Variants in OR7C1 observed in about 807,000 individuals in gnomAD.
OR7C1 encodes olfactory receptor family 7 subfamily C member 1.
For synonymous variants in OR7C1, 152 were observed against 160.7 expected (o/e 0.95, Z 0.41); for missense variants, 324 against 383.3 (o/e 0.85, Z 1.29).
intron 2 of OR7C1, among the ~76,000 whole-genome samples, chr19:14,806,835 CA>C (rs2044668505): frequency 6.6e-6 from 1 of 151,896 alleles, no homozygotes; most frequent in African/African-American, 2.4e-5. Context: ...AATAGTGCTG[CA>C]ATAAACATAT....
chr19:14,827,061 A>C (rs2240556), intron 1 of OR7C1: 5,664 of 396,796 alleles, frequency 0.014, 56 homozygotes, highest in South Asian at 0.032. Context: ...GTCGGAAATA[A>C]CCTTGAGAAA....
chr19:14,827,857 G>T lies in OR7C1; in HGVS notation c.-623+7217C>A, dbSNP rs538791344. 13 of 1,614,148 alleles carry T rather than the reference G, an allele frequency of 8.1e-6. No homozygotes were observed. The East Asian group carries it at 1.6e-4, about 19-fold the overall frequency. On this transcript the variant is annotated intron_variant, in intron 1 of 4. Transcript: ENST00000641666. ...TTCATAATGACCATGTAGTGCAGGG[G>T]GTGACAGATGGCCACAAACCGGTCA...
chr19:14,828,704 G>C (rs930185424), intron 1 of OR7C1, among the ~76,000 whole-genome samples: 1 of 134,156 alleles, frequency 7.5e-6, no homozygotes, highest in African/African-American at 2.8e-5. Context: ...AAGTTGCAGT[G>C]AGCTGAGATC....
chr19:14,822,694 T>A (rs190641765), intron 1 of OR7C1, among the ~76,000 whole-genome samples: 144 of 152,254 alleles, frequency 9.5e-4, no homozygotes, highest in African/African-American at 3.2e-3. Flanking sequence ...CTGCCTTTTT[T>A]ATAATAGCCG....
intron 1 of OR7C1, among the ~76,000 whole-genome samples, chr19:14,819,202 A>G (rs1165102245): frequency 6.6e-6 from 1 of 151,954 alleles, no homozygotes; most frequent in Non-Finnish European, 1.5e-5. Flanking sequence ...TGTGCAGGAT[A>G]TGCAGGTTTG....
At chr19:14,830,808 C>T (rs1043271560) in intron 1 of OR7C1, among the ~76,000 whole-genome samples, 7 of 152,148 alleles carry the variant, frequency 4.6e-5, no homozygotes, top group Non-Finnish European at 8.8e-5. Flanking sequence ...TCTAAGTCTG[C>T]CTTTCTTCAT....
intron 1 of OR7C1, among the ~76,000 whole-genome samples, chr19:14,823,678 C>T (rs1038284485): frequency 4.6e-5 from 7 of 152,166 alleles, no homozygotes; most frequent in African/African-American, 1.7e-4. Context: ...TATGTGTCCA[C>T]ATTATTTAGC....
intron 1 of OR7C1, among the ~76,000 whole-genome samples, chr19:14,823,732 G>A (rs138610420): frequency 1.8e-4 from 28 of 152,212 alleles, no homozygotes; most frequent in African/African-American, 6.7e-4. Flanking sequence ...CTATTTCTGA[G>A]TTATTTCACT....
At chr19:14,799,462 T>G in exon 5 of OR7C1, 2 of 1,614,010 alleles carry the variant, frequency 1.2e-6, no homozygotes, top group Non-Finnish European at 1.7e-6. Context: ...AAATCCTCAG[T>G]ATAGAGAAAA....
chr19:14,816,548 C>T (rs1235391982), intron 1 of OR7C1, among the ~76,000 whole-genome samples: 1 of 152,180 alleles, frequency 6.6e-6, no homozygotes, highest in Admixed American at 6.5e-5. Flanking sequence ...GACTCTTGGA[C>T]TTACAGCAGT....
At chr19:14,834,418 G>T (rs2044864795) in intron 1 of OR7C1, among the ~76,000 whole-genome samples, 1 of 152,152 alleles carries the variant, frequency 6.6e-6, no homozygotes. Flanking sequence ...CCTATACACT[G>T]TGAGTTGTTT....
At chr19:14,828,707 C>T (rs983046329) in intron 1 of OR7C1, among the ~76,000 whole-genome samples, 2 of 128,188 alleles carry the variant, frequency 1.6e-5, no homozygotes, top group South Asian at 5.2e-4. Context: ...TTGCAGTGAG[C>T]TGAGATCATG....
chr19:14,815,262 T>C (rs113088358), intron 1 of OR7C1, among the ~76,000 whole-genome samples: 13 of 152,332 alleles, frequency 8.5e-5, no homozygotes, highest in African/African-American at 3.1e-4. Flanking sequence ...GCTTTTCTGT[T>C]CTGAAAAGAA....
At chr19:14,823,905 C>CTTTTTTTTTTTT (rs200113587) in intron 1 of OR7C1, among the ~76,000 whole-genome samples, 1 of 139,984 alleles carries the variant, frequency 7.1e-6, no homozygotes, top group Non-Finnish European at 1.6e-5. Flanking sequence ...CACTATTGTG[C>CTTTTTTTTTTTT]TTTTTTTTTT....
At chr19:14,826,252 T>C (rs865782311) in intron 1 of OR7C1, 1 of 152,148 alleles carries the variant, frequency 6.6e-6, no homozygotes. Context: ...TTTGTGTGAG[T>C]CATTCTTTAA....
At chr19:14,821,062 A>G (rs2044738895) in intron 1 of OR7C1, among the ~76,000 whole-genome samples, 1 of 151,992 alleles carries the variant, frequency 6.6e-6, no homozygotes, top group Admixed American at 6.6e-5. Flanking sequence ...ACATGGTGAA[A>G]CCCTGTCTCT....
At chr19:14,805,713 C>G (rs2044663507) in intron 2 of OR7C1, among the ~76,000 whole-genome samples, 1 of 151,870 alleles carries the variant, frequency 6.6e-6, no homozygotes, top group East Asian at 1.9e-4. Flanking sequence ...CCATGCCCGG[C>G]CTGGGAAATT....
At chr19:14,804,169 G>A (rs1195923037) in intron 2 of OR7C1, among the ~76,000 whole-genome samples, 1 of 152,166 alleles carries the variant, frequency 6.6e-6, no homozygotes, top group Non-Finnish European at 1.5e-5. Context: ...TTAAGGCAAA[G>A]GCTGGAGTTG....
At chr19:14,814,559 G>T (rs1225894305) in intron 1 of OR7C1, among the ~76,000 whole-genome samples, 2 of 152,052 alleles carry the variant, frequency 1.3e-5, no homozygotes, top group African/African-American at 4.8e-5. Context: ...GAGTAGCTGG[G>T]ATTAAAGGCA....
Sources: gnomAD v4.1 joint callset for allele counts (sites outside exome capture counted in the v4.1 genomes callset) on GRCh38, gnomAD v4.1.1 for gene constraint, MANE v1.5 for transcripts, NCBI Gene and HGNC (gene_info 2026-07-23, HGNC 2026-07-21) for gene names.